SLC1A2: variants seen among roughly 807,000 people sequenced by gnomAD.
SLC1A2 encodes the protein solute carrier family 1 member 2.
Under a neutral mutation model 48.8 loss-of-function variants are expected in SLC1A2, and 15 were observed. The ratio of observed to expected loss-of-function variants is 0.31; its 90% CI spans 0.21 to 0.47. The LOEUF is 0.47. Among genes scored for constraint, SLC1A2 ranks in the 20% least tolerant of loss-of-function variants. The pLI is 0.99. For missense variants in SLC1A2, 502 were observed against 730.5 expected (o/e 0.69, Z 3.61); for synonymous variants, 279 against 272.6 (o/e 1.02, Z -0.23).
Position 35,251,848 on chromosome 11 carries a change from T to C in SLC1A2, c.*9046A>G, listed in dbSNP as rs192242113. On this transcript the variant is annotated 3_prime_UTR_variant, in exon 11 of 11. Transcript: ENST00000278379. Reference sequence around the variant, plus strand: ...CCCTATAGCACATGGCTAGTTCTTCTCTGTCCTTGGGGAGGAGAAAGGGGT... The same window carrying C: ...CCCTATAGCACATGGCTAGTTCTTCCCTGTCCTTGGGGAGGAGAAAGGGGT... 3 of 152,750 alleles carry C rather than the reference T, an allele frequency of 2.0e-5. No homozygotes were observed. Among genetic ancestry groups the C allele is most frequent in the Admixed American group, 6.5e-5 (1 of 15,292 alleles). 9.5% of individuals were successfully genotyped at this position (152,750 alleles called of 1,614,324 possible). A position where few individuals can be genotyped will look rare whatever the true frequency, so the allele number is the denominator to read the frequency against.
intron 1 of SLC1A2, among the ~76,000 whole-genome samples, chr11:35,346,011 A>T (rs1478351702): frequency 6.6e-6 from 1 of 152,238 alleles, no homozygotes; most frequent in Non-Finnish European, 1.5e-5. Context: ...AAGGTCTCAC[A>T]ATCATTAAGC....
intron 1 of SLC1A2, chr11:35,391,567 GTA>G (rs1433302899): frequency 4.6e-5 from 7 of 152,216 alleles, no homozygotes; most frequent in Non-Finnish European, 1.0e-4. Context: ...TTCTACCACT[GTA>G]GCAGGGAGAA....
intron 1 of SLC1A2, among the ~76,000 whole-genome samples, chr11:35,416,743 G>T (rs571231847): frequency 1.3e-5 from 2 of 152,340 alleles, no homozygotes; most frequent in South Asian, 4.1e-4. Flanking sequence ...AATATTGTTA[G>T]AGGGCAAAAG....
chr11:35,269,629 C>T (rs1476936602), intron 9 of SLC1A2, among the ~76,000 whole-genome samples: 1 of 152,206 alleles, frequency 6.6e-6, no homozygotes, highest in African/African-American at 2.4e-5. Context: ...AATCCTTGCT[C>T]TCCAGAAGCA....
At chr11:35,275,788 CCTTTT>C (rs930559749) in intron 9 of SLC1A2, among the ~76,000 whole-genome samples, 7 of 152,166 alleles carry the variant, frequency 4.6e-5, no homozygotes, top group African/African-American at 1.7e-4. Flanking sequence ...GAAGTTTCCC[CCTTTT>C]CTTTTTCTCT....
chr11:35,300,976 G>A (rs56043665), intron 6 of SLC1A2, among the ~76,000 whole-genome samples: 32,914 of 152,174 alleles, frequency 0.22, 3,915 homozygotes, highest in Admixed American at 0.28. Flanking sequence ...GATGAGCCAT[G>A]ATCACACCAC....
chr11:35,288,180 A>G (rs1179476586), intron 7 of SLC1A2, among the ~76,000 whole-genome samples: 1 of 152,172 alleles, frequency 6.6e-6, no homozygotes, highest in Admixed American at 6.5e-5. Flanking sequence ...AAAACTAGGG[A>G]TGCGAGATGT....
chr11:35,281,526 A>G (rs1446282255), intron 8 of SLC1A2, among the ~76,000 whole-genome samples: 2 of 152,198 alleles, frequency 1.3e-5, no homozygotes, highest in Non-Finnish European at 2.9e-5. Context: ...AGGGAAACAA[A>G]TCAACAGATT....
chr11:35,316,006 T>C (rs1851865150), intron 2 of SLC1A2: 1 of 152,220 alleles, frequency 6.6e-6, no homozygotes, highest in Non-Finnish European at 1.5e-5. Flanking sequence ...TCCCATCTAT[T>C]TTCTTTGGCT....
intron 1 of SLC1A2, among the ~76,000 whole-genome samples, chr11:35,384,085 C>T (rs1854515323): frequency 6.6e-6 from 1 of 152,146 alleles, no homozygotes; most frequent in African/African-American, 2.4e-5. Flanking sequence ...TTTTTGGTTG[C>T]TTGAAAGAGA....
rs1275304714 is a variant in SLC1A2 at position 35,265,269 on chromosome 11, G to A, written c.1653+258C>T. On this transcript the variant is annotated intron_variant, in intron 10 of 10. Transcript: ENST00000278379. Reference sequence around the variant, plus strand: ...AATTAGTTAAATGGGGTAGATAGGGGAACCCGAATGGTTGTTTCACATCAC... The same window carrying A: ...AATTAGTTAAATGGGGTAGATAGGGAAACCCGAATGGTTGTTTCACATCAC... 4 of 540,038 alleles carry A rather than the reference G, an allele frequency of 7.4e-6. No homozygotes were observed. In the Admixed American group the frequency reaches 1.1e-4, roughly 15 times the overall value. The allele number at this position is 540,038 out of a possible 1,614,324, so 33.5% of individuals were successfully genotyped here.
At chr11:35,303,190 A>T (rs908944654) in intron 5 of SLC1A2, among the ~76,000 whole-genome samples, 1 of 152,006 alleles carries the variant, frequency 6.6e-6, no homozygotes, top group Non-Finnish European at 1.5e-5. Context: ...TTCTCTCTGA[A>T]CCTTTGACTT....
rs1852051652 is a variant in SLC1A2, at chr11:35,321,152, T to C, written c.18-3636A>G. 2.0e-5 allele frequency among the ~76,000 whole-genome samples: 3 copies of C among 152,270 alleles called. No homozygotes were observed. The South Asian group carries it at 6.2e-4, about 32-fold the overall frequency. On this transcript the variant is annotated intron_variant, in intron 1 of 10. Coordinates refer to ENST00000278379, the MANE Select transcript of SLC1A2 (RefSeq NM_004171.4). ...AAGCCCCTTATAAAACCACCAGATA[T>C]TGTGATAACTCACTCACTATCACAA... is the stretch of plus-strand genomic sequence containing the variant.
At chr11:35,418,854 C>A in intron 1 of SLC1A2, 96 bp downstream of exon 1, 1 of 1,032,858 alleles carries the variant, frequency 9.7e-7, no homozygotes, top group South Asian at 1.5e-5. Context: ...CTCCGAGGCC[C>A]GCCGCCGCCG....
At chr11:35,279,029 A>G (rs1450495615) in intron 9 of SLC1A2, among the ~76,000 whole-genome samples, 1 of 152,208 alleles carries the variant, frequency 6.6e-6, no homozygotes, top group Non-Finnish European at 1.5e-5. Flanking sequence ...AAAAAAAAGA[A>G]AAATGTGGTT....
At chr11:35,317,977 C>G (rs1027988574) in intron 1 of SLC1A2, among the ~76,000 whole-genome samples, 2 of 152,234 alleles carry the variant, frequency 1.3e-5, no homozygotes, top group Admixed American at 1.3e-4. Context: ...AAGCTCAAGC[C>G]TTCCCCATCC....
At chr11:35,353,242 G>T (rs1473448712) in intron 1 of SLC1A2, among the ~76,000 whole-genome samples, 1 of 152,156 alleles carries the variant, frequency 6.6e-6, no homozygotes, top group Non-Finnish European at 1.5e-5. Flanking sequence ...GGGTTGGGAT[G>T]ACATTCTCCT....
At position 35,401,816 on chromosome 11, in the gene SLC1A2, G is replaced by A. The variant is rs114604582; in HGVS notation, c.17+17134C>T. Among the ~76,000 whole-genome samples, 1,061 of 152,082 alleles carry A rather than the reference G, an allele frequency of 7.0e-3. 14 individuals are homozygous for A. Among genetic ancestry groups the A allele is most frequent in the African/African-American group, 0.024 (991 of 41,462 alleles). ...TTTAAAGTGTTGGAAACCTTAAAGC[G>A]CCATATTGGTGGGGGTAGACCCTCA... On this transcript the variant is annotated intron_variant, in intron 1 of 10. Coordinates refer to ENST00000278379, the MANE Select transcript of SLC1A2 (RefSeq NM_004171.4).
intron 1 of SLC1A2, chr11:35,374,220 G>A (rs569338949): frequency 1.6e-6 from 1 of 616,954 alleles, no homozygotes; most frequent in South Asian, 1.9e-5. Context: ...TGCTGGCTTT[G>A]AATGATTTAT....
Sources: gnomAD v4.1 joint callset for allele counts (sites outside exome capture counted in the v4.1 genomes callset) on GRCh38, gnomAD v4.1.1 for gene constraint, MANE v1.5 for transcripts, NCBI Gene and HGNC (gene_info 2026-07-23, HGNC 2026-07-21) for gene names.